Variants in SAMMSON observed in about 807,000 individuals in gnomAD.
The protein encoded by SAMMSON is long intergenic non-protein coding RNA 1212.
At chr3:70,110,759 G>A (rs1026735664) in intron 4 of SAMMSON, among the ~76,000 whole-genome samples, 4 of 152,112 alleles carry the variant, frequency 2.6e-5, no homozygotes, top group African/African-American at 4.8e-5. Context: ...AGATGAGGGC[G>A]GTGGTGAAAA....
chr3:70,079,020 T>C (rs1248467136), intron 4 of SAMMSON, among the ~76,000 whole-genome samples: 1 of 152,246 alleles, frequency 6.6e-6, no homozygotes, highest in Admixed American at 6.5e-5. Flanking sequence ...ATGTACTATC[T>C]ATGGCTGCTT....
At chr3:70,097,615 C>G (rs942313698) in intron 4 of SAMMSON, among the ~76,000 whole-genome samples, 2 of 152,118 alleles carry the variant, frequency 1.3e-5, no homozygotes, top group African/African-American at 4.8e-5. Context: ...CGAAAGGGCT[C>G]AGAATTATTA....
intron 7 of SAMMSON, among the ~76,000 whole-genome samples, chr3:70,292,752 C>T (rs1026134457): frequency 6.6e-6 from 1 of 151,970 alleles, no homozygotes; most frequent in Non-Finnish European, 1.5e-5. Flanking sequence ...TGCACACACA[C>T]TGTTTGCAGA....
chr3:70,109,503 G>A (rs2067379989), intron 4 of SAMMSON, among the ~76,000 whole-genome samples: 1 of 152,152 alleles, frequency 6.6e-6, no homozygotes, highest in Non-Finnish European at 1.5e-5. Context: ...ATGGTGTAGA[G>A]AGAACATGCA....
intron 4 of SAMMSON, among the ~76,000 whole-genome samples, chr3:70,073,815 T>C (rs1331026158): frequency 2.0e-5 from 3 of 152,090 alleles, no homozygotes; most frequent in African/African-American, 7.2e-5. Flanking sequence ...TGACCCAGAT[T>C]GGAATCCTGG....
chr3:70,205,381 A>T (rs943843770), intron 4 of SAMMSON: 15 of 152,208 alleles, frequency 9.9e-5, no homozygotes, highest in Admixed American at 9.8e-4. Context: ...AACTACAGGC[A>T]ATTAAGCCTG....
chr3:70,389,178 A>G (rs1701020547), intron 9 of SAMMSON, among the ~76,000 whole-genome samples: 1 of 152,136 alleles, frequency 6.6e-6, no homozygotes, highest in African/African-American at 2.4e-5. Context: ...TCCAGCCACC[A>G]GAATTGTTAG....
intron 4 of SAMMSON, among the ~76,000 whole-genome samples, chr3:70,244,050 C>T (rs975989098): frequency 2.6e-5 from 4 of 152,164 alleles, no homozygotes; most frequent in Non-Finnish European, 5.9e-5. Context: ...TCTAATTCTT[C>T]ACAGATTTTC....
intron 2 of SAMMSON, among the ~76,000 whole-genome samples, chr3:70,414,045 A>G (rs115904035): frequency 6.6e-6 from 1 of 152,122 alleles, no homozygotes; most frequent in East Asian, 1.9e-4. Flanking sequence ...AATAAATAGA[A>G]TATGAGAATA....
intron 3 of SAMMSON, among the ~76,000 whole-genome samples, chr3:70,026,540 C>A (rs2067037638): frequency 6.6e-6 from 1 of 152,112 alleles, no homozygotes; most frequent in African/African-American, 2.4e-5. Context: ...CATATCAAGT[C>A]CCTGATCACC....
At chr3:70,087,751 A>G (rs2067290935) in intron 4 of SAMMSON, among the ~76,000 whole-genome samples, 1 of 152,214 alleles carries the variant, frequency 6.6e-6, no homozygotes, top group South Asian at 2.1e-4. Flanking sequence ...GAAGAGAATC[A>G]TGGGCACTTC....
chr3:70,301,312 A>G (rs1702346379), intron 7 of SAMMSON, among the ~76,000 whole-genome samples: 1 of 152,136 alleles, frequency 6.6e-6, no homozygotes, highest in African/African-American at 2.4e-5. Context: ...GGGTATGTTC[A>G]TATGGTTTCG....
At chr3:70,237,543 C>A (rs147566746) in intron 4 of SAMMSON, among the ~76,000 whole-genome samples, 4 of 152,196 alleles carry the variant, frequency 2.6e-5, no homozygotes, top group African/African-American at 9.7e-5. Flanking sequence ...TGTCTTACAC[C>A]TCTTACTCTT....
At chr3:70,051,785 A>C (rs1028439071) in intron 3 of SAMMSON, among the ~76,000 whole-genome samples, 6 of 152,030 alleles carry the variant, frequency 3.9e-5, no homozygotes, top group Non-Finnish European at 4.4e-5. Flanking sequence ...GCTTTGTAAA[A>C]AGTAATATTT....
At chr3:70,291,840 C>G (rs1702242401) in intron 7 of SAMMSON, 2 of 152,170 alleles carry the variant, frequency 1.3e-5, no homozygotes, top group African/African-American at 4.8e-5. Context: ...GATGTGCTGT[C>G]TGGTGATCTT....
At position 70,089,435 on chromosome 3, in the gene SAMMSON, G is replaced by T. The variant is rs576932497; in HGVS notation, n.507+17870G>T. Among the ~76,000 whole-genome samples, 30 of 148,844 alleles carry T rather than the reference G, an allele frequency of 2.0e-4. 1 individual carries two copies. The South Asian group carries it at 5.9e-3, about 30-fold the overall frequency. ...CAAACAGAGAAGTAAATTAGCCAAGGTTATTCAGCTTGGACGTAATGAATT... is the reference window on the plus strand; with the variant it reads ...CAAACAGAGAAGTAAATTAGCCAAGTTTATTCAGCTTGGACGTAATGAATT... On this transcript the variant is annotated intron_variant and non_coding_transcript_variant, in intron 4 of 9. Transcript: ENST00000642114.
rs1245098708 is a variant in SAMMSON at position 70,125,447 on chromosome 3, C to T, written n.507+53882C>T. 3 of 881,248 alleles carry T rather than the reference C, an allele frequency of 3.4e-6. No homozygotes were observed. In the East Asian group the frequency reaches 7.9e-5, roughly 23 times the overall value. 54.6% of individuals were successfully genotyped at this position (881,248 alleles called of 1,614,324 possible). ...AATTCTGTCCTTTTCCAATTCCCTT[C>T]TAGAAATACATTCCGATGGCATTTC... On this transcript the variant is annotated intron_variant and non_coding_transcript_variant, in intron 4 of 9. Transcript: ENST00000642114.
chr3:70,265,647 T>C (rs546786627), intron 6 of SAMMSON, among the ~76,000 whole-genome samples: 1 of 152,352 alleles, frequency 6.6e-6, no homozygotes, highest in African/African-American at 2.4e-5. Context: ...CTCCATGTGC[T>C]TTGCACCTTA....
intron 1 of SAMMSON, among the ~76,000 whole-genome samples, chr3:70,002,402 G>C (rs904519874): frequency 1.3e-5 from 2 of 152,116 alleles, no homozygotes; most frequent in African/African-American, 4.8e-5. Flanking sequence ...GAGTGAAAAG[G>C]TAATTCTCGT....
Sources: gnomAD v4.1 joint callset for allele counts (sites outside exome capture counted in the v4.1 genomes callset) on GRCh38, gnomAD v4.1.1 for gene constraint, MANE v1.5 for transcripts, NCBI Gene and HGNC (gene_info 2026-07-23, HGNC 2026-07-21) for gene names.